The following MAJIN variants were observed in gnomAD, a reference collection of about 807,000 sequenced individuals.
MAJIN encodes the protein membrane anchored junction protein.
MAJIN carries 27 observed loss-of-function variants against 30.2 expected under a neutral mutation model. That is an observed-to-expected ratio of 0.89 (90% CI 0.66 to 1.23). The LOEUF (loss-of-function observed/expected upper bound fraction) is 1.23, where lower values mean the gene tolerates loss of function less well. Ranked by LOEUF, MAJIN falls within the 50% of genes most tolerant of loss-of-function variation. MAJIN has a pLI of 0.00. For synonymous variants in MAJIN, 78 were observed against 91.6 expected (o/e 0.85, Z 0.85); for missense variants, 253 against 260.3 (o/e 0.97, Z 0.19).
chr11:64,958,850 C>A (rs908582437), intron 3 of MAJIN, among the ~76,000 whole-genome samples: 1 of 151,940 alleles, frequency 6.6e-6, no homozygotes, highest in South Asian at 2.1e-4. Context: ...GTCTTGAACT[C>A]CTGACCTCAA....
intron 1 of MAJIN, among the ~76,000 whole-genome samples, chr11:64,969,956 G>C (rs900969930): frequency 2.6e-5 from 4 of 152,176 alleles, no homozygotes; most frequent in Admixed American, 2.6e-4. Flanking sequence ...TCTGTATCTG[G>C]AGATGCTGAA....
At chr11:64,940,693 T>C (rs1047835726) in intron 8 of MAJIN, 47 bp from the exon 9 acceptor site, 2 of 1,535,528 alleles carry the variant, frequency 1.3e-6, no homozygotes, top group Non-Finnish European at 1.8e-6. Flanking sequence ...CCTCCTACAC[T>C]GCATGGCAAT....
At chr11:64,946,057 A>G (rs990894854) in intron 8 of MAJIN, 7 of 1,513,074 alleles carry the variant, frequency 4.6e-6, no homozygotes, top group Non-Finnish European at 6.2e-6. Flanking sequence ...TGAAGGCTCC[A>G]TTTTAGTACT....
intron 5 of MAJIN, 95 bp from the exon 6 acceptor site, chr11:64,949,963 C>A: frequency 2.0e-6 from 3 of 1,465,454 alleles, no homozygotes; most frequent in Non-Finnish European, 9.3e-7. Context: ...CCTGACCTAC[C>A]CTCCAAACTG....
intron 8 of MAJIN, among the ~76,000 whole-genome samples, chr11:64,944,651 C>T (rs1945423973): frequency 6.6e-6 from 1 of 151,630 alleles, no homozygotes; most frequent in Non-Finnish European, 1.5e-5. Context: ...AGAGTGTGAC[C>T]CTGTCTCAAA....
At position 64,954,563 on chromosome 11, in the gene MAJIN, G is replaced by A. The variant is rs1206437192; in HGVS notation, c.147+194C>T. 1.6e-5 allele frequency: 11 copies of A among 699,694 alleles called. No individual in the cohort carries two copies. In the Admixed American group the frequency reaches 2.2e-4, roughly 14 times the overall value. The allele number at this position is 699,694 out of a possible 1,614,324, so 43.3% of individuals were successfully genotyped here. A position where few individuals can be genotyped will look rare whatever the true frequency, so the allele number is the denominator to read the frequency against. On this transcript the variant is annotated intron_variant, in intron 4 of 10. Coordinates refer to ENST00000301896, the MANE Select transcript of MAJIN (RefSeq NM_001037225.3). ...TCAAAGGTGCTGACATTTCAACTAG[G>A]AAAACTGAGAAAGAATACAGGCTTT...
intron 1 of MAJIN, among the ~76,000 whole-genome samples, chr11:64,971,358 C>T (rs1945900375): frequency 2.1e-5 from 3 of 141,182 alleles, no homozygotes; most frequent in Admixed American, 7.6e-5. Context: ...ACCCAGGAGG[C>T]GGAGGTTGCA....
In MAJIN at chr11:64,949,824, C is replaced by T. The variant is rs747063337; in HGVS notation, c.268G>A (p.Gly90Arg). Residue 90 changes from glycine to arginine, a missense_variant, in exon 6 of 11, where the codon GGG becomes AGG. Physicochemically the swap from Gly to Arg is moderately radical, Grantham distance 125. Transcript: ENST00000301896. ...GGGTAGGGGATCAAGATAATTTCCC[C>T]ATGTTTGAATTTCAGGTGGGAAACT... ...ERVSHLKFKH[G>R]EIILIPYPFV... The T allele has an allele frequency of 1.4e-5, 22 of 1,609,848 alleles. No individual in the cohort carries two copies. Among genetic ancestry groups the T allele is most frequent in the Non-Finnish European group, 1.8e-5 (21 of 1,179,784 alleles).
chr11:64,970,945 GAGGGTGGGTATAGACC>G (rs1945890385), intron 1 of MAJIN, among the ~76,000 whole-genome samples: 1 of 152,194 alleles, frequency 6.6e-6, no homozygotes, highest in Non-Finnish European at 1.5e-5. Context: ...GCTGGGGTTG[GAGGGTGGGTATAGACC>G]AGAGGAGCAC....
intron 1 of MAJIN, among the ~76,000 whole-genome samples, chr11:64,971,071 G>A (rs1192167949): frequency 2.6e-5 from 4 of 152,046 alleles, no homozygotes; most frequent in African/African-American, 7.2e-5. Flanking sequence ...GAGGCGGGTG[G>A]ATATCCTGAA....
Position 64,966,776 on chromosome 11 carries a change from A to T in MAJIN, c.-65+5101T>A, listed in dbSNP as rs1427485736. ...TGGTGAAACCCAGTCCCTACTAAAA[A>T]TACAAAAACTAGCTGGGCATGGTGG... On this transcript the variant is annotated intron_variant, in intron 1 of 10. Transcript: ENST00000301896. Among the ~76,000 whole-genome samples the T allele has an allele frequency of 3.3e-5, 5 of 151,744 alleles. No individual in the cohort carries two copies. In the East Asian group the frequency reaches 7.8e-4, roughly 24 times the overall value.
chr11:64,957,947 A>ATT (rs535346135), intron 3 of MAJIN, among the ~76,000 whole-genome samples: 8 of 144,128 alleles, frequency 5.6e-5, no homozygotes, highest in African/African-American at 1.3e-4. Flanking sequence ...TTTTGCTGTG[A>ATT]TTTTTTTTTT....
intron 4 of MAJIN, among the ~76,000 whole-genome samples, chr11:64,952,267 A>G (rs142712594): frequency 1.2e-3 from 182 of 151,970 alleles, no homozygotes; most frequent in African/African-American, 4.3e-3. Flanking sequence ...CGCTCACTGC[A>G]ACCTCTGCCT....
intron 9 of MAJIN, 136 bp downstream of exon 9, chr11:64,940,438 A>T: frequency 1.2e-6 from 1 of 805,774 alleles, no homozygotes; most frequent in East Asian, 2.6e-5. Flanking sequence ...ATGGCTAACA[A>T]GCACCTCCAC....
chr11:64,949,840 G>T lies in MAJIN; in HGVS notation c.252C>A (p.His84Gln). The T allele has an allele frequency of 6.2e-7, 1 of 1,607,500 alleles. No homozygotes were observed. The highest frequency in any genetic ancestry group is 8.5e-7 in the Non-Finnish European group (1 of 1,179,808). Residue 84 changes from histidine (H) to glutamine (Q), a missense_variant, in exon 6 of 11, where the codon CAC (histidine) becomes CAA (glutamine). By Grantham distance (24) the His-to-Gln change is conservative. Coordinates refer to ENST00000301896, the MANE Select transcript of MAJIN (RefSeq NM_001037225.3). ...TAATTTCCCCATGTTTGAATTTCAGGTGGGAAACTCTCTCCCATTTGCTTT... is the reference window on the plus strand; with the variant it reads ...TAATTTCCCCATGTTTGAATTTCAGTTGGGAAACTCTCTCCCATTTGCTTT... Reference protein sequence around the residue: ...PYKSKWERVSHLKFKHGEIIL... With the variant: ...PYKSKWERVSQLKFKHGEIIL...
In MAJIN at chr11:64,941,773, G is replaced by A. The variant is rs1590689116; in HGVS notation, c.474-1127C>T. Among the ~76,000 whole-genome samples the A allele has an allele frequency of 2.0e-5, 3 of 152,322 alleles. No homozygotes were observed. The South Asian group carries it at 6.2e-4, about 32-fold the overall frequency. On this transcript the variant is annotated intron_variant, in intron 8 of 10. Transcript: ENST00000301896. ...GTGTTAGTCAAGGAAGGCTTCACAG[G>A]GGAAGTGATATTTGAATGGAGCCTT...
At chr11:64,950,068 G>A (rs1427077273) in intron 5 of MAJIN, among the ~76,000 whole-genome samples, 200 bp from the exon 6 acceptor site, 2 of 152,180 alleles carry the variant, frequency 1.3e-5, no homozygotes, top group Non-Finnish European at 2.9e-5. Flanking sequence ...AGTGGCTCAT[G>A]GCTGTAATCC....
chr11:64,959,093 C>CAA (rs34562472), intron 3 of MAJIN, among the ~76,000 whole-genome samples: 165 of 53,510 alleles, frequency 3.1e-3, no homozygotes, highest in African/African-American at 0.01. Context: ...TGCTTCTCTT[C>CAA]AAAAAAAAAA....
chr11:64,941,367 G>T (rs1945376384), intron 8 of MAJIN, among the ~76,000 whole-genome samples: 1 of 152,142 alleles, frequency 6.6e-6, no homozygotes, highest in Admixed American at 6.5e-5. Context: ...AGTCAAGACA[G>T]TGTGATGGCC....
Sources: allele counts gnomAD v4.1 joint callset (sites outside exome capture counted in the v4.1 genomes callset), GRCh38; gene constraint gnomAD v4.1.1; transcripts MANE v1.5; gene names NCBI Gene and HGNC (gene_info 2026-07-23, HGNC 2026-07-21).